The following PPARA variants were observed in gnomAD, a reference collection of about 807,000 sequenced individuals.
The protein encoded by PPARA is peroxisome proliferator-activated receptor alpha.
PPARA carries 22 observed loss-of-function variants against 42.2 expected under a neutral mutation model. The observed-to-expected ratio is 0.52, with a 90% CI of 0.37 to 0.74. The LOEUF is 0.74. Ranked by LOEUF, PPARA falls within the 30% of genes least tolerant of loss-of-function variation. PPARA has a pLI of 0.00. For synonymous variants in PPARA, 242 were observed against 239.3 expected (o/e 1.01, Z -0.10); for missense variants, 465 against 608.2 (o/e 0.76, Z 2.48).
At chr22:46,198,784 C>T (rs894998698) in intron 4 of PPARA, among the ~76,000 whole-genome samples, 193 bp downstream of exon 4, 2 of 151,754 alleles carry the variant, frequency 1.3e-5, no homozygotes, top group African/African-American at 2.4e-5. Flanking sequence ...CCTCAGCCTC[C>T]CGAGTAGCTG....
intron 5 of PPARA, 113 bp from the exon 6 acceptor site, chr22:46,218,150 T>G (rs1160165073): frequency 6.5e-6 from 9 of 1,393,130 alleles, no homozygotes; most frequent in Non-Finnish European, 8.9e-6. Flanking sequence ...TTTCTCTAAA[T>G]TTTGTTCATT....
rs1214291579 is a variant in PPARA, at chr22:46,192,064, A to G, written c.-42-6278A>G. On this transcript the variant is annotated intron_variant, in intron 3 of 8. Coordinates refer to ENST00000407236, the MANE Select transcript of PPARA (RefSeq NM_005036.6). The surrounding 1 kb of genome is among the most constrained non-coding windows in gnomAD (Gnocchi z 4.3). ...TGGTGACAGAGTGAGACTCCATCTC[A>G]AAAAAAAGAGAAAGAAAGAAATAGA... is the stretch of plus-strand genomic sequence containing the variant. 1.3e-5 allele frequency among the ~76,000 whole-genome samples: 2 copies of G among 152,118 alleles called. No homozygotes were observed. The highest frequency in any genetic ancestry group is 4.8e-5 in the African/African-American group (2 of 41,426).
At chr22:46,158,146 C>T (rs135545) in intron 2 of PPARA, among the ~76,000 whole-genome samples, 54,027 of 151,886 alleles carry the variant, frequency 0.36, 10,850 homozygotes, top group African/African-American at 0.54. Flanking sequence ...TGGAGGCTCA[C>T]ACCTGTAATC....
chr22:46,235,422 C>A lies in PPARA; in HGVS notation c.*42C>A, dbSNP rs1215515089. ...CACACCTTTTCCAGGAGTTCTGAAG[C>A]TGACAGCACTACAAAGGAGACGGGG... On this transcript the variant is annotated 3_prime_UTR_variant, in exon 9 of 9. Transcript: ENST00000407236. This position sits in a 1 kb window ranked among gnomAD's most constrained non-coding sequence, Gnocchi z 7.0. 6.2e-7 allele frequency: 1 copy of A among 1,607,242 alleles called. No individual in the cohort carries two copies. The highest frequency in any genetic ancestry group is 1.1e-5 in the South Asian group (1 of 90,038).
chr22:46,206,143 C>G (rs1933277689), intron 4 of PPARA, among the ~76,000 whole-genome samples: 1 of 152,120 alleles, frequency 6.6e-6, no homozygotes, highest in Non-Finnish European at 1.5e-5. Flanking sequence ...CTCTCTGTCT[C>G]CAGGCTGGAG....
intron 2 of PPARA, among the ~76,000 whole-genome samples, chr22:46,153,508 TA>T (rs1924799848): frequency 6.6e-6 from 1 of 152,100 alleles, no homozygotes; most frequent in Admixed American, 6.5e-5. Context: ...AGACGTGTCA[TA>T]ATCATCGAAT....
Position 46,198,369 on chromosome 22 carries a change from C to T in PPARA, c.-15C>T. On this transcript the variant is annotated 5_prime_UTR_variant, in exon 4 of 9. Transcript: ENST00000407236. ...GCTTGGAGCTCGGCGGCACAACCAGCACCATCTGGTCGCGATGGTGGACAC... is the reference window on the plus strand; with the variant it reads ...GCTTGGAGCTCGGCGGCACAACCAGTACCATCTGGTCGCGATGGTGGACAC... 6.2e-7 allele frequency: 1 copy of T among 1,613,042 alleles called. No individual in the cohort carries two copies. The highest frequency in any genetic ancestry group is 8.5e-7 in the Non-Finnish European group (1 of 1,179,296).
chr22:46,235,456 C>G lies in PPARA; in HGVS notation c.*76C>G. The G allele has an allele frequency of 6.4e-7, 1 of 1,562,246 alleles. No homozygotes were observed. Among genetic ancestry groups the G allele is most frequent in the Non-Finnish European group, 8.7e-7 (1 of 1,151,012 alleles). The stretch of plus-strand genomic sequence containing the variant: ...CTACAAAGGAGACGGGGGAGCAGCA[C>G]GATTTTGCACAAATATCCACCACTT... On this transcript the variant is annotated 3_prime_UTR_variant, in exon 9 of 9. Coordinates refer to ENST00000407236, the MANE Select transcript of PPARA (RefSeq NM_005036.6). The surrounding 1 kb of genome is among the most constrained non-coding windows in gnomAD (Gnocchi z 7.0).
rs181778950 is a variant in PPARA at position 46,237,352 on chromosome 22, C to G, written c.*1972C>G. 6.6e-6 allele frequency: 1 copy of G among 152,438 alleles called. No homozygotes were observed. Among genetic ancestry groups the G allele is most frequent in the African/African-American group, 2.4e-5 (1 of 41,556 alleles). The allele number at this position is 152,438 out of a possible 1,614,324, so 9.4% of individuals were successfully genotyped here. ...GTGGCTCACACATGGAATCCCAGCA[C>G]TTTGGGAGGCCGAGGTGGGAGGATC... is the stretch of plus-strand genomic sequence containing the variant. On this transcript the variant is annotated 3_prime_UTR_variant, in exon 9 of 9. Transcript: ENST00000407236. This position sits in a 1 kb window ranked among gnomAD's most constrained non-coding sequence, Gnocchi z 6.7.
At chr22:46,166,787 A>G (rs1029297915) in intron 2 of PPARA, among the ~76,000 whole-genome samples, 4 of 152,186 alleles carry the variant, frequency 2.6e-5, no homozygotes, top group African/African-American at 7.2e-5. Flanking sequence ...AAGACTCAGT[A>G]TCTTAGGATG....
chr22:46,242,945 C>T lies in PPARA; in HGVS notation c.*7565C>T, dbSNP rs185959567. ...ACAGTGTTTCGCTAAAGACCCTTCA[C>T]TATTCTTGTTTAGTAAATAGCTGTC... is the stretch of plus-strand genomic sequence containing the variant. On this transcript the variant is annotated 3_prime_UTR_variant, in exon 9 of 9. Coordinates refer to ENST00000407236, the MANE Select transcript of PPARA (RefSeq NM_005036.6). The surrounding 1 kb of genome is among the most constrained non-coding windows in gnomAD (Gnocchi z 6.1). The T allele has an allele frequency of 1.3e-5, 2 of 152,798 alleles. No homozygotes were observed. The highest frequency in any genetic ancestry group is 6.5e-5 in the Admixed American group (1 of 15,304). 9.5% of individuals were successfully genotyped at this position (152,798 alleles called of 1,614,324 possible).
intron 4 of PPARA, among the ~76,000 whole-genome samples, chr22:46,209,575 C>T (rs1569229862): frequency 6.6e-6 from 1 of 152,072 alleles, no homozygotes; most frequent in Non-Finnish European, 1.5e-5. Context: ...ATTTTTTCTT[C>T]TGCAATATCT....
In PPARA at chr22:46,232,142, C is replaced by T. The variant is rs1193654348; in HGVS notation, c.1062C>T (p.Ile354=). 1.2e-6 allele frequency: 2 copies of T among 1,614,216 alleles called. No individual in the cohort carries two copies. Among genetic ancestry groups the T allele is most frequent in the Admixed American group, 3.3e-5 (2 of 60,026 alleles). Residue 354 remains isoleucine, a synonymous_variant, in exon 8 of 9, where the codon ATC becomes ATT. Coordinates refer to ENST00000407236, the MANE Select transcript of PPARA (RefSeq NM_005036.6). This position sits in a 1 kb window ranked among gnomAD's most constrained non-coding sequence, Gnocchi z 5.3. ...GCCTAAGGAAACCGTTCTGTGATAT[C>T]ATGGAACCCAAGTTTGATTTTGCCA... ...LKSLRKPFCD[I]MEPKFDFAMK...
At position 46,212,259 on chromosome 22, in the gene PPARA, G is replaced by GTTGC. The variant is rs1934011875; in HGVS notation, c.209-2913_209-2910dup. 6.6e-6 allele frequency among the ~76,000 whole-genome samples: 1 copy of GTTGC among 151,840 alleles called. No individual in the cohort carries two copies. Among genetic ancestry groups the GTTGC allele is most frequent in the African/African-American group, 2.4e-5 (1 of 41,310 alleles). ...TTTTGTAAAGATAGGGTTTCACCATGTTGCCCAGGCTGGTCTCAAACTCCT... is the reference window on the plus strand; with the variant it reads ...TTTTGTAAAGATAGGGTTTCACCATGTTGCTTGCCCAGGCTGGTCTCAAACTCCT... On this transcript the variant is annotated intron_variant, in intron 4 of 8. Coordinates refer to ENST00000407236, the MANE Select transcript of PPARA (RefSeq NM_005036.6). The surrounding 1 kb of genome is among the most constrained non-coding windows in gnomAD (Gnocchi z 4.2).
rs1271908313 is a variant in PPARA at position 46,156,786 on chromosome 22, G to C, written c.-127+4816G>C. Among the ~76,000 whole-genome samples, 1 of 152,156 alleles carries C rather than the reference G, an allele frequency of 6.6e-6. No homozygotes were observed. The highest frequency in any genetic ancestry group is 1.5e-5 in the Non-Finnish European group (1 of 68,044). On this transcript the variant is annotated intron_variant, in intron 2 of 8. Transcript: ENST00000407236. The surrounding 1 kb of genome is among the most constrained non-coding windows in gnomAD (Gnocchi z 5.2). ...CCAGCTAATTTTTGTATTTTTAGTAGAGATGGAGTTTCACCATGTTGGCCA... is the reference window on the plus strand; with the variant it reads ...CCAGCTAATTTTTGTATTTTTAGTACAGATGGAGTTTCACCATGTTGGCCA...
Position 46,239,029 on chromosome 22 carries a change from G to T in PPARA, c.*3649G>T, listed in dbSNP as rs550560548. On this transcript the variant is annotated 3_prime_UTR_variant, in exon 9 of 9. Coordinates refer to ENST00000407236, the MANE Select transcript of PPARA (RefSeq NM_005036.6). The stretch of plus-strand genomic sequence containing the variant: ...TTCCTAACGGGTGTGTTTGCTATAC[G>T]AACATAATGGACGTGAAGTGGGGCA... The T allele has an allele frequency of 6.6e-6, 1 of 152,280 alleles. No homozygotes were observed. Among genetic ancestry groups the T allele is most frequent in the South Asian group, 2.1e-4 (1 of 4,816 alleles). 9.4% of individuals were successfully genotyped at this position (152,280 alleles called of 1,614,324 possible). A position where few individuals can be genotyped will look rare whatever the true frequency, so the allele number is the denominator to read the frequency against.
In PPARA at chr22:46,224,249, A is replaced by G. The variant is rs1935229272; in HGVS notation, c.711+4235A>G. 6.6e-6 allele frequency among the ~76,000 whole-genome samples: 1 copy of G among 151,568 alleles called. No homozygotes were observed. Among genetic ancestry groups the G allele is most frequent in the African/African-American group, 2.4e-5 (1 of 41,254 alleles). On this transcript the variant is annotated intron_variant, in intron 7 of 8. Transcript: ENST00000407236. The surrounding 1 kb of genome is among the most constrained non-coding windows in gnomAD (Gnocchi z 5.7). ...CCCCTCCTCCCTGCCTAGCCTGCTG[A>G]CGGGCTTTCCAGAGCTGGCTCCTTC...
rs964828701 is a variant in PPARA at position 46,224,944 on chromosome 22, T to C, written c.711+4930T>C. 4.6e-5 allele frequency among the ~76,000 whole-genome samples: 6 copies of C among 130,698 alleles called. No homozygotes were observed. The highest frequency in any genetic ancestry group is 8.8e-5 in the African/African-American group (3 of 34,174). 85.7% of individuals were successfully genotyped at this position (130,698 alleles called of 152,430 possible). A position where few individuals can be genotyped will look rare whatever the true frequency, so the allele number is the denominator to read the frequency against. On this transcript the variant is annotated intron_variant, in intron 7 of 8. Coordinates refer to ENST00000407236, the MANE Select transcript of PPARA (RefSeq NM_005036.6). This position sits in a 1 kb window ranked among gnomAD's most constrained non-coding sequence, Gnocchi z 5.7. ...TCAGATCAGATGACGCAAAGCCCCA[T>C]GGCTGAGCTGGAACAGGCTAGAATG...
intron 3 of PPARA, among the ~76,000 whole-genome samples, chr22:46,181,949 C>A (rs1285398642): frequency 2.0e-5 from 3 of 152,252 alleles, no homozygotes; most frequent in African/African-American, 7.2e-5. Context: ...AGTGATTCTC[C>A]TGCCTCAGCC....
Sources: allele counts gnomAD v4.1 joint callset (sites outside exome capture counted in the v4.1 genomes callset), GRCh38; gene constraint gnomAD v4.1.1; non-coding constraint Gnocchi (gnomAD v3.1); transcripts MANE v1.5; gene names NCBI Gene and HGNC (gene_info 2026-07-23, HGNC 2026-07-21).